RNF185: variants seen among roughly 807,000 people sequenced by gnomAD.
RNF185 encodes E3 ubiquitin-protein ligase RNF185.
In RNF185, 13 loss-of-function variants were observed where a neutral mutation model predicts 24.9. The observed-to-expected ratio is 0.52, with a 90% CI of 0.34 to 0.83. The LOEUF (loss-of-function observed/expected upper bound fraction) is 0.83, where lower values mean the gene tolerates loss of function less well. Ranked by LOEUF, RNF185 falls within the 40% of genes least tolerant of loss-of-function variation. The pLI is 0.01. For missense variants in RNF185, 184 were observed against 244.7 expected (o/e 0.75, Z 1.65); for synonymous variants, 79 against 90.3 (o/e 0.88, Z 0.71).
intron 2 of RNF185, among the ~76,000 whole-genome samples, chr22:31,192,341 G>A (rs1412248933): frequency 6.6e-6 from 1 of 152,166 alleles, no homozygotes; most frequent in African/African-American, 2.4e-5. Context: ...GATTCCTTCA[G>A]ATGTTGTAAC....
At chr22:31,180,915 C>CTGTG (rs567264606) in intron 1 of RNF185, among the ~76,000 whole-genome samples, 12,792 of 96,584 alleles carry the variant, frequency 0.13, 826 homozygotes, top group East Asian at 0.19. Context: ...CTCTCTCTCT[C>CTGTG]TGTGTGTGTG....
chr22:31,178,244 T>G (rs920067159), intron 1 of RNF185, among the ~76,000 whole-genome samples: 8 of 152,218 alleles, frequency 5.3e-5, no homozygotes, highest in Non-Finnish European at 7.3e-5. Context: ...ATTCAGCAGA[T>G]TTGTCCCTTA....
intron 1 of RNF185, among the ~76,000 whole-genome samples, chr22:31,180,060 C>T (rs1412922137): frequency 2.2e-5 from 3 of 138,140 alleles, no homozygotes; most frequent in Non-Finnish European, 4.6e-5. Flanking sequence ...GAACTCAGAA[C>T]TTTCAGGATT....
rs531691476 is a variant in RNF185 at position 31,205,906 on chromosome 22, T to C, written c.*1320T>C. On this transcript the variant is annotated 3_prime_UTR_variant, in exon 7 of 7. Coordinates refer to ENST00000326132, the MANE Select transcript of RNF185 (RefSeq NM_152267.4). The stretch of plus-strand genomic sequence containing the variant: ...CATAAGCTTCTTCCTCTGAATCTTA[T>C]TGAGGGACTATGGTACCAAGCAGGT... 1 of 153,474 alleles carries C rather than the reference T, an allele frequency of 6.5e-6. No individual in the cohort carries two copies. Among genetic ancestry groups the C allele is most frequent in the Admixed American group, 6.5e-5 (1 of 15,308 alleles). The allele number at this position is 153,474 out of a possible 1,614,324, so 9.5% of individuals were successfully genotyped here. A position where few individuals can be genotyped will look rare whatever the true frequency, so the allele number is the denominator to read the frequency against.
At chr22:31,197,240 C>T (rs1440555231) in intron 5 of RNF185, 10 of 410,764 alleles carry the variant, frequency 2.4e-5, no homozygotes, top group East Asian at 5.1e-5. Flanking sequence ...CAAATCTGTG[C>T]GTGTATTTTA....
At chr22:31,189,887 C>T (rs2048139946) in intron 2 of RNF185, among the ~76,000 whole-genome samples, 1 of 152,156 alleles carries the variant, frequency 6.6e-6, no homozygotes, top group Admixed American at 6.5e-5. Flanking sequence ...AGCCACCATG[C>T]CTGCTATCAA....
At chr22:31,178,063 G>A (rs958746180) in intron 1 of RNF185, among the ~76,000 whole-genome samples, 2 of 152,196 alleles carry the variant, frequency 1.3e-5, no homozygotes, top group Non-Finnish European at 2.9e-5. Flanking sequence ...TCAGCCGCCA[G>A]GCTCTGTGTT....
At chr22:31,162,766 CTTTTTTT>C (rs71319163) in intron 1 of RNF185, among the ~76,000 whole-genome samples, 1 of 134,452 alleles carries the variant, frequency 7.4e-6, no homozygotes, top group East Asian at 2.1e-4. Flanking sequence ...ATTTTTCTTT[CTTTTTTT>C]TTTTTTTTTA....
chr22:31,178,102 C>T (rs2048000447), intron 1 of RNF185, among the ~76,000 whole-genome samples: 1 of 152,186 alleles, frequency 6.6e-6, no homozygotes, highest in Non-Finnish European at 1.5e-5. Context: ...ATTGCAAATC[C>T]GCGTTAGTCC....
intron 1 of RNF185, among the ~76,000 whole-genome samples, chr22:31,176,738 T>G (rs374549163): frequency 1.3e-4 from 20 of 152,220 alleles, no homozygotes; most frequent in East Asian, 7.7e-4. Context: ...TCCGCCTGCC[T>G]CAGCCTCCCA....
intron 6 of RNF185, among the ~76,000 whole-genome samples, chr22:31,202,607 C>CTTTTTT (rs71202049): frequency 3.2e-4 from 27 of 83,764 alleles, no homozygotes; most frequent in East Asian, 1.2e-3. Flanking sequence ...TTGGGAATGC[C>CTTTTTT]TTTTTTTTTT....
At chr22:31,197,303 G>A (rs1361057831) in intron 5 of RNF185, 12 of 255,046 alleles carry the variant, frequency 4.7e-5, no homozygotes, top group Non-Finnish European at 9.1e-5. Context: ...TACAATATGT[G>A]GCTCCTGTTT....
rs55965706 is a variant in RNF185, at chr22:31,171,156, C to CTTATTTATTTATTTATTTAT, written c.-49+10868_-49+10887dup. On this transcript the variant is annotated intron_variant, in intron 1 of 6. Coordinates refer to ENST00000326132, the MANE Select transcript of RNF185 (RefSeq NM_152267.4). ...AGGAACCAGGACCTTCTCTGATTTA[C>CTTATTTATTTATTTATTTAT]TTATTTATTTATTTATTTATTTATT... Among the ~76,000 whole-genome samples, 1,161 of 143,218 alleles carry CTTATTTATTTATTTATTTAT rather than the reference C, an allele frequency of 8.1e-3. 15 individuals carry two copies. Among genetic ancestry groups the CTTATTTATTTATTTATTTAT allele is most frequent in the African/African-American group, 0.019 (748 of 38,628 alleles). The allele number at this position is 143,218 out of a possible 152,430, so 94.0% of individuals were successfully genotyped here.
chr22:31,189,635 C>T (rs1393142229), intron 2 of RNF185, among the ~76,000 whole-genome samples: 3 of 142,190 alleles, frequency 2.1e-5, no homozygotes, highest in Admixed American at 1.5e-4. Flanking sequence ...GAGACGAAGT[C>T]TTGCTTTGTC....
intron 1 of RNF185, among the ~76,000 whole-genome samples, chr22:31,182,023 A>T (rs572797989): frequency 6.6e-5 from 10 of 151,524 alleles, no homozygotes; most frequent in African/African-American, 2.4e-4. Flanking sequence ...TATATATTTA[A>T]AAAAATGTGT....
chr22:31,166,291 G>A (rs991303869), intron 1 of RNF185, among the ~76,000 whole-genome samples: 1 of 151,882 alleles, frequency 6.6e-6, no homozygotes, highest in South Asian at 2.1e-4. Flanking sequence ...ATGCCCTGCC[G>A]ATGTGCTCAT....
chr22:31,185,823 C>T (rs1018740758), intron 1 of RNF185, among the ~76,000 whole-genome samples: 2 of 152,156 alleles, frequency 1.3e-5, no homozygotes, highest in Non-Finnish European at 2.9e-5. Flanking sequence ...GGTTCTTTGA[C>T]TTGGAGGTGG....
rs2048314756 is a variant in RNF185, at chr22:31,206,374, A to G, written c.*1788A>G. 6.6e-6 allele frequency: 1 copy of G among 152,600 alleles called. No homozygotes were observed. The highest frequency in any genetic ancestry group is 2.1e-4 in the South Asian group (1 of 4,830). The allele number at this position is 152,600 out of a possible 1,614,324, so 9.5% of individuals were successfully genotyped here. A position where few individuals can be genotyped will look rare whatever the true frequency, so the allele number is the denominator to read the frequency against. On this transcript the variant is annotated 3_prime_UTR_variant, in exon 7 of 7. Coordinates refer to ENST00000326132, the MANE Select transcript of RNF185 (RefSeq NM_152267.4). ...AAACATTCCTGGGCACCCACTCAAGAGTGCTCTTTTTATCACCTTCTGGAA... is the reference window on the plus strand; with the variant it reads ...AAACATTCCTGGGCACCCACTCAAGGGTGCTCTTTTTATCACCTTCTGGAA...
intron 3 of RNF185, among the ~76,000 whole-genome samples, chr22:31,193,806 C>A (rs1320317013): frequency 8.9e-6 from 1 of 111,890 alleles, no homozygotes; most frequent in Non-Finnish European, 1.9e-5. Flanking sequence ...GAAAAAAAAC[C>A]AAAAAACCGA....
Sources: gnomAD v4.1 joint callset for allele counts (sites outside exome capture counted in the v4.1 genomes callset) on GRCh38, gnomAD v4.1.1 for gene constraint, MANE v1.5 for transcripts, NCBI Gene and HGNC (gene_info 2026-07-23, HGNC 2026-07-21) for gene names.